Variants in LSAMP observed in about 807,000 individuals in gnomAD.
The protein encoded by LSAMP is limbic system associated membrane protein.
A neutral mutation model predicts 38.6 loss-of-function variants in LSAMP; 7 were observed. The ratio of observed to expected loss-of-function variants is 0.18; its 90% confidence interval spans 0.10 to 0.34. The LOEUF is 0.34. Among genes scored for constraint, LSAMP ranks in the 10% least tolerant of loss-of-function variants. LSAMP has a pLI of 1.00. For synonymous variants in LSAMP, 154 were observed against 166.8 expected (o/e 0.92, Z 0.59); for missense variants, 313 against 420.0 (o/e 0.75, Z 2.23).
At chr3:115,852,658 A>G in intron 3 of LSAMP, 41 bp from the exon 4 acceptor site, 2 of 1,575,816 alleles carry the variant, frequency 1.3e-6, no homozygotes, top group Non-Finnish European at 1.7e-6. Flanking sequence ...TTAAAGTCTG[A>G]AATAGGCAGT....
At chr3:116,215,033 A>G (rs767419000) in intron 1 of LSAMP, among the ~76,000 whole-genome samples, 3 of 152,234 alleles carry the variant, frequency 2.0e-5, no homozygotes, top group African/African-American at 7.2e-5. Flanking sequence ...TATTAATTCA[A>G]TAAACATTAT....
At chr3:115,904,922 T>C (rs1559874849) in intron 3 of LSAMP, among the ~76,000 whole-genome samples, 1 of 152,182 alleles carries the variant, frequency 6.6e-6, no homozygotes, top group Non-Finnish European at 1.5e-5. Flanking sequence ...TAGAGAACTT[T>C]TGCCTGTCTT....
At chr3:116,131,769 A>G (rs1048388183) in intron 1 of LSAMP, among the ~76,000 whole-genome samples, 2 of 151,772 alleles carry the variant, frequency 1.3e-5, no homozygotes, top group South Asian at 2.1e-4. Context: ...CCCAACCCAC[A>G]GTGTCAAACA....
At chr3:116,282,343 T>A (rs538218780) in intron 1 of LSAMP, among the ~76,000 whole-genome samples, 2 of 152,298 alleles carry the variant, frequency 1.3e-5, no homozygotes, top group East Asian at 3.9e-4. Flanking sequence ...GCTTATAGTT[T>A]TAGGATTTGA....
intron 3 of LSAMP, among the ~76,000 whole-genome samples, chr3:115,864,578 T>C (rs1483136128): frequency 6.6e-6 from 1 of 152,126 alleles, no homozygotes; most frequent in African/African-American, 2.4e-5. Flanking sequence ...AGTTCTGAGG[T>C]GGAGGTAGAA....
At chr3:116,436,042 G>A (rs891124109) in intron 1 of LSAMP, among the ~76,000 whole-genome samples, 3 of 152,160 alleles carry the variant, frequency 2.0e-5, no homozygotes, top group African/African-American at 7.2e-5. Context: ...TCCTTATAGA[G>A]GTTCTACCAA....
At chr3:115,847,620 T>C (rs972668952) in intron 4 of LSAMP, among the ~76,000 whole-genome samples, 2 of 152,206 alleles carry the variant, frequency 1.3e-5, no homozygotes, top group African/African-American at 4.8e-5. Flanking sequence ...CGTGCTGTTC[T>C]CGTGATAGTG....
At chr3:116,379,855 G>C (rs1413438717) in intron 1 of LSAMP, among the ~76,000 whole-genome samples, 7 of 151,984 alleles carry the variant, frequency 4.6e-5, no homozygotes, top group South Asian at 4.1e-4. Flanking sequence ...GCAAATGTAG[G>C]ATTGAAAGAT....
chr3:116,005,481 G>C (rs570758698), intron 3 of LSAMP, among the ~76,000 whole-genome samples: 1 of 152,174 alleles, frequency 6.6e-6, no homozygotes, highest in East Asian at 1.9e-4. Flanking sequence ...CATTTCCTTG[G>C]CAGAACCACA....
Position 116,263,961 on chromosome 3 carries a change from G to GA in LSAMP, c.156-177406dup, listed in dbSNP as rs148889415. 9.7e-4 allele frequency among the ~76,000 whole-genome samples: 147 copies of GA among 152,264 alleles called. 1 individual carries two copies. Among genetic ancestry groups the GA allele is most frequent in the African/African-American group, 3.3e-3 (137 of 41,556 alleles). ...TACAAGACTGAGAACTGAGAGTGGAGAAAAGTACAGAACATCTCCTAGAGG... is the reference window on the plus strand; with the variant it reads ...TACAAGACTGAGAACTGAGAGTGGAGAAAAAGTACAGAACATCTCCTAGAGG... On this transcript the variant is annotated intron_variant, in intron 1 of 6. Transcript: ENST00000490035.
At chr3:115,868,669 C>T (rs536819144) in intron 3 of LSAMP, among the ~76,000 whole-genome samples, 3 of 152,104 alleles carry the variant, frequency 2.0e-5, no homozygotes, top group African/African-American at 7.2e-5. Flanking sequence ...GAGGTTGACA[C>T]ATATTTAAAA....
intron 1 of LSAMP, among the ~76,000 whole-genome samples, chr3:116,260,290 A>G (rs2046807795): frequency 1.3e-5 from 2 of 152,096 alleles, no homozygotes; most frequent in South Asian, 4.1e-4. Context: ...TGGTAGGTAG[A>G]ATTCTTTAAT....
intron 3 of LSAMP, among the ~76,000 whole-genome samples, chr3:115,928,805 C>A (rs1194575634): frequency 6.6e-6 from 1 of 151,750 alleles, no homozygotes; most frequent in Non-Finnish European, 1.5e-5. Context: ...AGGTCACAGG[C>A]CAGTGAAAGG....
intron 2 of LSAMP, among the ~76,000 whole-genome samples, chr3:116,077,503 A>G (rs1462159283): frequency 6.6e-6 from 1 of 152,050 alleles, no homozygotes; most frequent in Admixed American, 6.6e-5. Flanking sequence ...TGCTTGAAAA[A>G]ACCTGCTTAA....
chr3:116,168,495 T>C (rs1710116895), intron 1 of LSAMP, among the ~76,000 whole-genome samples: 1 of 152,204 alleles, frequency 6.6e-6, no homozygotes, highest in Admixed American at 6.5e-5. Context: ...TTTAATGAGA[T>C]TATTTTGATG....
intron 3 of LSAMP, among the ~76,000 whole-genome samples, chr3:115,951,844 T>A (rs1395942956): frequency 1.4e-5 from 2 of 148,110 alleles, no homozygotes; most frequent in Admixed American, 1.4e-4. Flanking sequence ...CTTAATAAAG[T>A]CATATATATA....
chr3:116,213,066 A>G (rs1055865301), intron 1 of LSAMP, among the ~76,000 whole-genome samples: 2 of 152,162 alleles, frequency 1.3e-5, no homozygotes, highest in Non-Finnish European at 2.9e-5. Context: ...TCCATGACCA[A>G]TTTTGCTCTT....
chr3:116,341,581 C>G (rs964666299), intron 1 of LSAMP, among the ~76,000 whole-genome samples: 1 of 151,882 alleles, frequency 6.6e-6, no homozygotes, highest in Non-Finnish European at 1.5e-5. Flanking sequence ...CAAAGTAATT[C>G]AATGGACAGG....
At chr3:116,121,758 G>C (rs1454267075) in intron 1 of LSAMP, among the ~76,000 whole-genome samples, 1 of 152,156 alleles carries the variant, frequency 6.6e-6, no homozygotes. Flanking sequence ...CAAGACTCAG[G>C]TAAACTGGCT....
Sources: allele counts gnomAD v4.1 joint callset (sites outside exome capture counted in the v4.1 genomes callset), GRCh38; gene constraint gnomAD v4.1.1; transcripts MANE v1.5; gene names NCBI Gene and HGNC (gene_info 2026-07-23, HGNC 2026-07-21).